DNAJB12: variants seen among roughly 807,000 people sequenced by gnomAD.
DNAJB12 encodes the protein dnaJ homolog subfamily B member 12.
Under a neutral mutation model 40.6 loss-of-function variants are expected in DNAJB12, and 14 were observed. The ratio of observed to expected loss-of-function variants is 0.34; its 90% CI spans 0.23 to 0.54. The LOEUF (loss-of-function observed/expected upper bound fraction) is 0.54, where lower values mean the gene tolerates loss of function less well. Ranked by LOEUF, DNAJB12 falls within the 20% of genes least tolerant of loss-of-function variation. The pLI is 0.92. For synonymous variants in DNAJB12, 181 were observed against 199.5 expected (o/e 0.91, Z 0.78); for missense variants, 444 against 501.7 (o/e 0.89, Z 1.10).
intron 6 of DNAJB12, 106 bp downstream of exon 6, chr10:72,338,096 T>C (rs754824549): frequency 3.2e-5 from 30 of 929,476 alleles, no homozygotes; most frequent in Non-Finnish European, 4.8e-5. Context: ...GTTTCTGCAT[T>C]ATGATCGCAC....
In DNAJB12 at chr10:72,336,598, T is replaced by G. The variant is rs1266733447; in HGVS notation, c.932A>C (p.Lys311Thr). The change falls in exon 7 of 9, where the codon AAA (lysine) becomes ACA (threonine). Residue 311 changes from lysine to threonine, a missense_variant. Lys to Thr is a moderately conservative substitution (Grantham distance 78, BLOSUM62 -1). Transcript: ENST00000444643. ...ATCTTCCACATTCCGCTCGACTGTT[T>G]TGAGGCTGGAGCCTGTGTACTCTTC... Reference protein sequence around the residue: ...FSEEYTGSSLKTVERNVEDDY... With the variant: ...FSEEYTGSSLTTVERNVEDDY... 1 of 1,614,186 alleles carries G rather than the reference T, an allele frequency of 6.2e-7. No homozygotes were observed. Among genetic ancestry groups the G allele is most frequent in the Non-Finnish European group, 8.5e-7 (1 of 1,180,008 alleles).
In DNAJB12 at chr10:72,344,994, C is replaced by T; in HGVS notation, c.267G>A (p.Glu89=). The T allele has an allele frequency of 6.2e-7, 1 of 1,614,228 alleles. No homozygotes were observed. The highest frequency in any genetic ancestry group is 8.5e-7 in the Non-Finnish European group (1 of 1,180,040). Residue 89 remains glutamate (E), a synonymous_variant, in exon 2 of 9, where the codon GAG becomes GAA. Transcript: ENST00000444643. ...GTTCTGCAGTGTAGCCTTTGGTGCT[C>T]TCTCCTCCAGCTTCACCGTTGGCCG... ...APSANGEAGG[E]STKGYTAEQV...
chr10:72,344,949 C>G lies in DNAJB12; in HGVS notation c.311+1G>C, dbSNP rs781527801. Reference sequence around the variant, plus strand: ...GCTCCAGCCCCTGCCCACCCATCTACCTTTTCACAGCTGCAACCTGTTCTG... The same window carrying G: ...GCTCCAGCCCCTGCCCACCCATCTAGCTTTTCACAGCTGCAACCTGTTCTG... On this transcript the variant is annotated splice_donor_variant, in intron 2 of 8. Coordinates refer to ENST00000444643, the MANE Select transcript of DNAJB12 (RefSeq NM_017626.7). LOFTEE classifies it high-confidence loss of function. The G allele has an allele frequency of 8.7e-6, 14 of 1,614,124 alleles. No homozygotes were observed. The highest frequency in any genetic ancestry group is 1.2e-5 in the Non-Finnish European group (14 of 1,180,050).
At chr10:72,338,441 G>A in intron 5 of DNAJB12, 130 bp from the exon 6 acceptor site, 1 of 676,396 alleles carries the variant, frequency 1.5e-6, no homozygotes, top group Non-Finnish European at 2.5e-6. Context: ...CCCTCCACGA[G>A]GCTCCAAAAC....
At chr10:72,334,674 G>A (rs1861417068) in intron 8 of DNAJB12, 57 bp from the exon 9 acceptor site, 1 of 1,504,432 alleles carries the variant, frequency 6.6e-7, no homozygotes, top group African/African-American at 1.4e-5. Context: ...GGCTCCTCTA[G>A]CTTATGCCAC....
chr10:72,350,283 C>T (rs1044867422), intron 1 of DNAJB12, among the ~76,000 whole-genome samples: 8 of 150,962 alleles, frequency 5.3e-5, no homozygotes, highest in Non-Finnish European at 1.2e-4. Flanking sequence ...CCTGTGGTCC[C>T]GGCTGTTTGG....
Position 72,341,175 on chromosome 10 carries a change from AGAG to A in DNAJB12, c.458-8_458-6del. ...CCGCATATGCTGTGCCAATGGCTGG[AGAG>A]GAGGAGGAAAGGTCAGGCCTGAGGA... On this transcript the variant is annotated splice_region_variant and splice_polypyrimidine_tract_variant and intron_variant, in intron 3 of 8. Transcript: ENST00000444643. The A allele has an allele frequency of 1.3e-6, 2 of 1,599,884 alleles. No individual in the cohort carries two copies. The highest frequency in any genetic ancestry group is 8.6e-7 in the Non-Finnish European group (1 of 1,168,692).
At position 72,347,723 on chromosome 10, in the gene DNAJB12, G is replaced by A. The variant is rs1861829496; in HGVS notation, c.134-2596C>T. Among the ~76,000 whole-genome samples, 4 of 152,144 alleles carry A rather than the reference G, an allele frequency of 2.6e-5. No homozygotes were observed. In the South Asian group the frequency reaches 8.3e-4, roughly 32 times the overall value. On this transcript the variant is annotated intron_variant, in intron 1 of 8. Transcript: ENST00000444643. ...AAGGTCAGGAGTTCAAGACCAGCCT[G>A]GCCAACATGGTGAAACCCCGTCTCT...
chr10:72,347,844 C>T (rs1309947924), intron 1 of DNAJB12, among the ~76,000 whole-genome samples: 2 of 151,172 alleles, frequency 1.3e-5, no homozygotes, highest in African/African-American at 2.4e-5. Context: ...ATCTGGGAGG[C>T]GGAGGTTGCA....
intron 3 of DNAJB12, among the ~76,000 whole-genome samples, chr10:72,342,436 A>G (rs1013639573): frequency 2.0e-5 from 3 of 152,340 alleles, no homozygotes; most frequent in African/African-American, 7.2e-5. Context: ...CTCTCGGTAC[A>G]GTCGGAGCAG....
rs1861450944 is a variant in DNAJB12, at chr10:72,335,687, C to T, written c.*30+93G>A. 6.7e-7 allele frequency: 1 copy of T among 1,494,332 alleles called. No individual in the cohort carries two copies. Among genetic ancestry groups the T allele is most frequent in the Non-Finnish European group, 8.9e-7 (1 of 1,122,244 alleles). 92.6% of individuals were successfully genotyped at this position (1,494,332 alleles called of 1,614,324 possible). On this transcript the variant is annotated intron_variant, in intron 8 of 8. Transcript: ENST00000444643. The surrounding 1 kb of genome is among the most constrained non-coding windows in gnomAD (Gnocchi z 4.4). ...GGACAGGAGTCTTTGCCACAATCAC[C>T]AGGCTTCCTCCCTTTCTCCCCCTCC...
At chr10:72,339,376 A>T (rs1203011867) in intron 5 of DNAJB12, among the ~76,000 whole-genome samples, 1 of 151,794 alleles carries the variant, frequency 6.6e-6, no homozygotes, top group Admixed American at 6.6e-5. Flanking sequence ...TCTACTAAAA[A>T]TACAAAAATT....
At chr10:72,340,098 A>C (rs912521947) in intron 5 of DNAJB12, among the ~76,000 whole-genome samples, 1 of 152,116 alleles carries the variant, frequency 6.6e-6, no homozygotes, top group African/African-American at 2.4e-5. Context: ...TAATCCCAGC[A>C]CTTTGGGAGG....
At chr10:72,348,192 A>G (rs147740367) in intron 1 of DNAJB12, among the ~76,000 whole-genome samples, 1,746 of 152,362 alleles carry the variant, frequency 0.011, 35 homozygotes, top group African/African-American at 0.04. Flanking sequence ...ACTGCACTCC[A>G]GCCTGGGCAA....
chr10:72,340,623 TCAG>T (rs1248026379), intron 5 of DNAJB12, among the ~76,000 whole-genome samples, 163 bp downstream of exon 5: 2 of 152,096 alleles, frequency 1.3e-5, no homozygotes, highest in Admixed American at 6.5e-5. Flanking sequence ...CTGGTGTCAC[TCAG>T]CAGAATGGCA....
Position 72,341,103 on chromosome 10 carries a change from A to G in DNAJB12, c.525T>C (p.Asp175=). 1 of 1,614,182 alleles carries G rather than the reference A, an allele frequency of 6.2e-7. No homozygotes were observed. Among genetic ancestry groups the G allele is most frequent in the Non-Finnish European group, 8.5e-7 (1 of 1,180,036 alleles). The part of the protein sequence containing the change: ...EKRKQYDQFG[D]DKSQAARHGH... ...CGTGCCGGGCCGCCTGGCTCTTGTC[A>G]TCGCCGAACTGGTCATACTGCTTCC... Residue 175 remains aspartate (D), a synonymous_variant, in exon 4 of 9, where the codon GAT becomes GAC. Coordinates refer to ENST00000444643, the MANE Select transcript of DNAJB12 (RefSeq NM_017626.7).
intron 2 of DNAJB12, among the ~76,000 whole-genome samples, chr10:72,344,266 A>G (rs1022701183): frequency 6.6e-6 from 1 of 152,244 alleles, no homozygotes; most frequent in African/African-American, 2.4e-5. Flanking sequence ...GACTCAGTGA[A>G]GTACAGATCT....
chr10:72,349,740 G>A (rs1861888483), intron 1 of DNAJB12, among the ~76,000 whole-genome samples: 1 of 152,188 alleles, frequency 6.6e-6, no homozygotes, highest in African/African-American at 2.4e-5. Flanking sequence ...TTTCAGGGCA[G>A]TTACAGGGAA....
chr10:72,338,309 G>A lies in DNAJB12; in HGVS notation c.726C>T (p.Gly242=), dbSNP rs766249452. Residue 242 remains glycine, a splice_region_variant and synonymous_variant, in exon 6 of 9, where the codon GGC becomes GGT. Transcript: ENST00000444643. Reference sequence around the variant, plus strand: ...TCAGCTGCACAAACACCCCTAGCCCGCCCTGGAGGGAAGAGCCAATGTCAC... The same window carrying A: ...TCAGCTGCACAAACACCCCTAGCCCACCCTGGAGGGAAGAGCCAATGTCAC... ...RQDRRDNQGD[G]GLGVFVQLMP... is the part of the protein sequence containing the mutation. The A allele has an allele frequency of 6.8e-6, 11 of 1,613,772 alleles. No homozygotes were observed. The highest frequency in any genetic ancestry group is 1.1e-5 in the South Asian group (1 of 91,080).
Sources: allele counts gnomAD v4.1 joint callset (sites outside exome capture counted in the v4.1 genomes callset), GRCh38; gene constraint gnomAD v4.1.1; non-coding constraint Gnocchi (gnomAD v3.1); transcripts MANE v1.5; gene names NCBI Gene and HGNC (gene_info 2026-07-23, HGNC 2026-07-21).